Variants in PTPRT observed in about 807,000 individuals in gnomAD.
The protein encoded by PTPRT is protein tyrosine phosphatase receptor type T.
Under a neutral mutation model 176.8 loss-of-function variants are expected in PTPRT, and 56 were observed. That is an observed-to-expected ratio of 0.32 (90% confidence interval 0.26 to 0.40). The LOEUF is 0.40. Ranked by LOEUF, PTPRT falls within the 10% of genes least tolerant of loss-of-function variation. PTPRT has a pLI of 1.00. For synonymous variants in PTPRT, 783 were observed against 739.0 expected (o/e 1.06, Z -0.96); for missense variants, 1,540 against 1,908.2 (o/e 0.81, Z 3.60).
chr20:42,482,338 G>C (rs1044324700), intron 7 of PTPRT, among the ~76,000 whole-genome samples: 1 of 152,126 alleles, frequency 6.6e-6, no homozygotes, highest in African/African-American at 2.4e-5. Flanking sequence ...GATGTGCTAG[G>C]CCAGTCTGGG....
chr20:42,104,600 G>C lies in PTPRT; in HGVS notation c.3509C>G (p.Thr1170Arg). The C allele has an allele frequency of 6.2e-7, 1 of 1,613,000 alleles. No homozygotes were observed. Among genetic ancestry groups the C allele is most frequent in the Non-Finnish European group, 8.5e-7 (1 of 1,179,042 alleles). The change falls in exon 25 of 31, where the codon ACA becomes AGA. Residue 1170 changes from threonine to arginine, a missense_variant. Around this residue, in one of 11 missense-constraint regions of PTPRT, gnomAD observed 342 missense variants for 394.0 expected, o/e 0.87. Coordinates refer to ENST00000373187, the MANE Select transcript of PTPRT (RefSeq NM_007050.6). ...YYNISRLDPQ[T>R]NSSQIKDEFQ... ...TTCATCTTTGATTTGGCTGGAGTTTGTCTGGGGGTCCAGCCTGCTGATATT... is the reference window on the plus strand; with the variant it reads ...TTCATCTTTGATTTGGCTGGAGTTTCTCTGGGGGTCCAGCCTGCTGATATT...
At chr20:42,273,210 G>A (rs1335077523) in intron 13 of PTPRT, among the ~76,000 whole-genome samples, 4 of 152,102 alleles carry the variant, frequency 2.6e-5, no homozygotes, top group Non-Finnish European at 5.9e-5. Context: ...GCAGTAAGTG[G>A]TAGTACTTAT....
chr20:42,215,280 T>G (rs2055742336), intron 15 of PTPRT, among the ~76,000 whole-genome samples: 1 of 152,110 alleles, frequency 6.6e-6, no homozygotes, highest in Non-Finnish European at 1.5e-5. Context: ...CTAACAGTGG[T>G]GTAATCATGA....
intron 6 of PTPRT, among the ~76,000 whole-genome samples, chr20:42,690,197 T>G (rs1361293218): frequency 6.6e-6 from 1 of 151,786 alleles, no homozygotes; most frequent in Non-Finnish European, 1.5e-5. Context: ...AAAAAGGCAA[T>G]CAGAGAGGTC....
At position 42,947,440 on chromosome 20, in the gene PTPRT, T is replaced by C. The variant is rs184323407; in HGVS notation, c.89-61508A>G. On this transcript the variant is annotated intron_variant, in intron 1 of 30. Coordinates refer to ENST00000373187, the MANE Select transcript of PTPRT (RefSeq NM_007050.6). ...CTGGATGGCAGGAATTCTCTCCTGT[T>C]CTCCATAGAGCAGGGAAATTCTAAT... 2.6e-3 allele frequency among the ~76,000 whole-genome samples: 394 copies of C among 152,118 alleles called. 1 individual carries two copies. The highest frequency in any genetic ancestry group is 8.3e-3 in the South Asian group (40 of 4,804).
intron 8 of PTPRT, among the ~76,000 whole-genome samples, chr20:42,460,671 C>G (rs749472208): frequency 5.8e-4 from 89 of 152,140 alleles, no homozygotes; most frequent in Non-Finnish European, 1.1e-3. Context: ...AGTGAGTTCT[C>G]AGGAGATCTG....
intron 18 of PTPRT, among the ~76,000 whole-genome samples, chr20:42,129,298 T>C (rs906102878): frequency 7.9e-5 from 12 of 152,334 alleles, no homozygotes; most frequent in African/African-American, 2.9e-4. Context: ...TTGTTAGAGA[T>C]AGATTGTCAG....
At chr20:43,055,645 T>A (rs1183515418) in intron 1 of PTPRT, among the ~76,000 whole-genome samples, 1 of 152,194 alleles carries the variant, frequency 6.6e-6, no homozygotes, top group East Asian at 1.9e-4. Context: ...TTTTATTTGT[T>A]TTCTTCCTAG....
At chr20:42,747,625 A>T (rs1279962808) in intron 6 of PTPRT, among the ~76,000 whole-genome samples, 2 of 152,222 alleles carry the variant, frequency 1.3e-5, no homozygotes, top group African/African-American at 4.8e-5. Context: ...CGATAAAACA[A>T]GTGAGCTACA....
chr20:43,015,663 A>ATGTGGGAC (rs1337725614), intron 1 of PTPRT, among the ~76,000 whole-genome samples: 3 of 152,094 alleles, frequency 2.0e-5, no homozygotes, highest in East Asian at 1.9e-4. Flanking sequence ...TAAGAGTTAG[A>ATGTGGGAC]TGTGGGACTG....
At chr20:42,444,257 A>G (rs1280776142) in intron 9 of PTPRT, among the ~76,000 whole-genome samples, 3 of 152,058 alleles carry the variant, frequency 2.0e-5, no homozygotes, top group Admixed American at 6.6e-5. Flanking sequence ...CATCTTCACT[A>G]CTTTACCTTC....
At chr20:42,621,736 AAACT>A (rs2074200844) in intron 7 of PTPRT, among the ~76,000 whole-genome samples, 2 of 152,186 alleles carry the variant, frequency 1.3e-5, no homozygotes, top group Non-Finnish European at 2.9e-5. Context: ...ACTATGAATT[AAACT>A]ACTACCTAGA....
At chr20:42,908,133 G>C (rs1370903803) in intron 1 of PTPRT, among the ~76,000 whole-genome samples, 1 of 151,874 alleles carries the variant, frequency 6.6e-6, no homozygotes, top group South Asian at 2.1e-4. Flanking sequence ...TCCCAAACAC[G>C]ACCCACCGGG....
intron 1 of PTPRT, among the ~76,000 whole-genome samples, chr20:43,007,119 C>G (rs995804841): frequency 2.0e-5 from 3 of 152,118 alleles, no homozygotes; most frequent in Non-Finnish European, 4.4e-5. Context: ...ATCCTGAAGT[C>G]AATCAAAAGG....
intron 7 of PTPRT, among the ~76,000 whole-genome samples, chr20:42,620,230 G>T (rs1161598041): frequency 6.7e-6 from 1 of 150,070 alleles, no homozygotes; most frequent in South Asian, 2.1e-4. Flanking sequence ...CCTGCTGGGG[G>T]GTGCCTCCCA....
intron 16 of PTPRT, among the ~76,000 whole-genome samples, chr20:42,170,744 T>A (rs934789061): frequency 6.6e-6 from 1 of 152,116 alleles, no homozygotes; most frequent in Non-Finnish European, 1.5e-5. Context: ...AACAAACATA[T>A]AAAAGACATA....
At chr20:42,728,289 T>G (rs193299984) in intron 6 of PTPRT, among the ~76,000 whole-genome samples, 162 of 152,268 alleles carry the variant, frequency 1.1e-3, no homozygotes, top group African/African-American at 3.5e-3. Flanking sequence ...TCTGCTTCAA[T>G]AGGTCTGGGG....
chr20:42,347,324 G>C (rs1389053811), intron 11 of PTPRT, among the ~76,000 whole-genome samples: 2 of 152,188 alleles, frequency 1.3e-5, no homozygotes, highest in African/African-American at 4.8e-5. Context: ...GGATCATAGA[G>C]TGTCCATATT....
chr20:42,377,739 G>A (rs557171066), intron 9 of PTPRT, among the ~76,000 whole-genome samples: 6 of 152,290 alleles, frequency 3.9e-5, no homozygotes, highest in South Asian at 2.1e-4. Context: ...ATTTCCTAGC[G>A]CTGAGCCTCA....
Sources: allele counts gnomAD v4.1 joint callset (sites outside exome capture counted in the v4.1 genomes callset), GRCh38; gene constraint gnomAD v4.1.1; regional missense constraint gnomAD v4.1.1; transcripts MANE v1.5; gene names NCBI Gene and HGNC (gene_info 2026-07-23, HGNC 2026-07-21).